PKNOX2: variants seen among roughly 807,000 people sequenced by gnomAD.
PKNOX2 encodes the protein PBX/knotted 1 homeobox 2, also known as homeobox protein PKNOX2.
PKNOX2 carries 14 observed loss-of-function variants against 53.1 expected under a neutral mutation model. The ratio of observed to expected loss-of-function variants is 0.26; its 90% CI spans 0.17 to 0.41. The LOEUF is 0.41. Ranked by LOEUF, PKNOX2 falls within the 10% of genes least tolerant of loss-of-function variation. The pLI, the probability that PKNOX2 is intolerant of heterozygous loss-of-function variation, is 1.00. For synonymous variants in PKNOX2, 257 were observed against 242.8 expected, an observed-to-expected ratio of 1.06 and a Z score of -0.54; for missense variants, 496 against 602.8, an observed-to-expected ratio of 0.82 and a Z score of 1.85.
At chr11:125,176,314 CTAGA>C (rs1955702195) in intron 1 of PKNOX2, among the ~76,000 whole-genome samples, 1 of 152,230 alleles carries the variant, frequency 6.6e-6, no homozygotes. Flanking sequence ...GTCACATTCA[CTAGA>C]TAGATTTTTA....
chr11:125,377,875 A>G (rs1952936417), intron 5 of PKNOX2, among the ~76,000 whole-genome samples: 1 of 152,252 alleles, frequency 6.6e-6, no homozygotes, highest in Admixed American at 6.5e-5. Flanking sequence ...CATGCCACCC[A>G]TGGGCCGCGG....
chr11:125,215,963 G>A (rs4290244), intron 1 of PKNOX2, among the ~76,000 whole-genome samples: 7 of 152,286 alleles, frequency 4.6e-5, no homozygotes, highest in Non-Finnish European at 2.9e-5. Context: ...CCAGGGAATG[G>A]TTAAAGAAGG....
intron 4 of PKNOX2, among the ~76,000 whole-genome samples, chr11:125,362,623 A>G (rs552935603): frequency 3.3e-5 from 5 of 152,168 alleles, no homozygotes; most frequent in Admixed American, 6.5e-5. Context: ...CTCCCACTTC[A>G]GCCTCCCAGA....
intron 10 of PKNOX2, among the ~76,000 whole-genome samples, chr11:125,415,707 G>T (rs1955834744): frequency 6.6e-6 from 1 of 152,126 alleles, no homozygotes; most frequent in Non-Finnish European, 1.5e-5. Flanking sequence ...AGGCCAATAA[G>T]AGCTGCTCAG....
intron 2 of PKNOX2, among the ~76,000 whole-genome samples, chr11:125,323,887 G>A (rs1478408234): frequency 6.6e-6 from 1 of 150,412 alleles, no homozygotes; most frequent in Non-Finnish European, 1.5e-5. Flanking sequence ...TGTCACTGAT[G>A]TCTTTGTGAC....
At chr11:125,377,274 A>T (rs929841613) in intron 5 of PKNOX2, among the ~76,000 whole-genome samples, 6 of 152,154 alleles carry the variant, frequency 3.9e-5, no homozygotes, top group African/African-American at 1.4e-4. Context: ...CTTATTTCAG[A>T]CCACCCAGCT....
chr11:125,216,626 A>T (rs1190772996), intron 1 of PKNOX2, among the ~76,000 whole-genome samples: 3 of 152,130 alleles, frequency 2.0e-5, no homozygotes, highest in Non-Finnish European at 2.9e-5. Flanking sequence ...GAAAACTGAG[A>T]GACACCCGGG....
At chr11:125,196,609 G>A (rs571483073) in intron 1 of PKNOX2, among the ~76,000 whole-genome samples, 4 of 152,312 alleles carry the variant, frequency 2.6e-5, no homozygotes, top group African/African-American at 9.6e-5. Flanking sequence ...AGATCTGAGA[G>A]CCATGAAGCC....
intron 7 of PKNOX2, among the ~76,000 whole-genome samples, chr11:125,402,841 C>A (rs1241970531): frequency 1.3e-5 from 2 of 152,178 alleles, no homozygotes; most frequent in East Asian, 3.9e-4. Context: ...AGCCCTCACA[C>A]CTTCATGGCC....
At chr11:125,237,242 C>G (rs1942771073) in intron 2 of PKNOX2, among the ~76,000 whole-genome samples, 1 of 152,174 alleles carries the variant, frequency 6.6e-6, no homozygotes, top group African/African-American at 2.4e-5. Flanking sequence ...ATCTAAGAGA[C>G]AGTAAAAGCC....
At chr11:125,261,183 G>C (rs1016597769) in intron 2 of PKNOX2, among the ~76,000 whole-genome samples, 6 of 152,122 alleles carry the variant, frequency 3.9e-5, no homozygotes, top group African/African-American at 1.4e-4. Flanking sequence ...TGTCTTGGAA[G>C]GGCTGGTGAG....
At chr11:125,245,541 C>A (rs554388665) in intron 2 of PKNOX2, among the ~76,000 whole-genome samples, 1 of 152,214 alleles carries the variant, frequency 6.6e-6, no homozygotes, top group African/African-American at 2.4e-5. Flanking sequence ...AGGAATGGTG[C>A]GGCCTCCCCC....
chr11:125,376,117 G>T (rs1016218390), intron 5 of PKNOX2, among the ~76,000 whole-genome samples: 2 of 152,202 alleles, frequency 1.3e-5, no homozygotes, highest in African/African-American at 4.8e-5. Context: ...TGTGTCTGAA[G>T]GGAGGAGGGC....
intron 1 of PKNOX2, among the ~76,000 whole-genome samples, chr11:125,196,338 C>G (rs1937685957): frequency 6.6e-6 from 1 of 152,114 alleles, no homozygotes; most frequent in Non-Finnish European, 1.5e-5. Flanking sequence ...GCTGGTTTCT[C>G]TAGGGCTCCC....
chr11:125,385,713 G>A lies in PKNOX2; in HGVS notation c.390G>A (p.Leu130=). Residue 130 remains leucine, a synonymous_variant, in exon 6 of 13, where the codon CTG becomes CTA. Transcript: ENST00000298282. The part of the protein sequence containing the change: ...HKPFFSDDPE[L]DNLMVKAIQV... Reference sequence around the variant, plus strand: ...CCTTCTTCAGCGATGACCCAGAACTGGACAATCTGGTAAAGACCCTCCACC... The same window carrying A: ...CCTTCTTCAGCGATGACCCAGAACTAGACAATCTGGTAAAGACCCTCCACC... 1 of 1,613,310 alleles carries A rather than the reference G, an allele frequency of 6.2e-7. No homozygotes were observed.
intron 2 of PKNOX2, among the ~76,000 whole-genome samples, chr11:125,301,128 AG>A (rs141139879): frequency 0.012 from 1,799 of 152,216 alleles, 19 homozygotes; most frequent in Non-Finnish European, 0.017. Context: ...GCTAACTTCC[AG>A]GGCTCTGGGC....
chr11:125,187,811 G>T (rs982689075), intron 1 of PKNOX2, among the ~76,000 whole-genome samples: 1 of 152,176 alleles, frequency 6.6e-6, no homozygotes, highest in Non-Finnish European at 1.5e-5. Flanking sequence ...CCACCCTTTT[G>T]ATAATGGGTC....
At chr11:125,267,223 G>A (rs1322364315) in intron 2 of PKNOX2, among the ~76,000 whole-genome samples, 1 of 152,182 alleles carries the variant, frequency 6.6e-6, no homozygotes, top group African/African-American at 2.4e-5. Context: ...AAGCTGGAAC[G>A]ACAGTTCTAC....
rs1433092324 is a variant in PKNOX2, at chr11:125,370,649, C to T, written c.227+2664C>T. On this transcript the variant is annotated intron_variant, in intron 5 of 12. Transcript: ENST00000298282. This position sits in a 1 kb window ranked among gnomAD's most constrained non-coding sequence, Gnocchi z 4.1. ...CATCTCTCTAGTCCTGCTGCTGCCT[C>T]CTGGCCCGGCAGCCCCAGGGTTGTC... is the stretch of plus-strand genomic sequence containing the variant. Among the ~76,000 whole-genome samples, 1 of 152,258 alleles carries T rather than the reference C, an allele frequency of 6.6e-6. No homozygotes were observed. The highest frequency in any genetic ancestry group is 1.5e-5 in the Non-Finnish European group (1 of 68,050).
Sources: allele counts gnomAD v4.1 joint callset (sites outside exome capture counted in the v4.1 genomes callset), GRCh38; gene constraint gnomAD v4.1.1; non-coding constraint Gnocchi (gnomAD v3.1); transcripts MANE v1.5; gene names NCBI Gene and HGNC (gene_info 2026-07-23, HGNC 2026-07-21).